Variants in TM9SF2 observed in about 807,000 individuals in gnomAD.
TM9SF2 encodes the protein 76 kDa membrane protein.
Under a neutral mutation model 84.9 loss-of-function variants are expected in TM9SF2, and 13 were observed. The observed-to-expected ratio is 0.15, with a 90% CI of 0.10 to 0.24. The LOEUF (loss-of-function observed/expected upper bound fraction) is 0.24. TM9SF2 is among the 10% of genes least tolerant of loss of function. The probability of loss-of-function intolerance (pLI) is 1.00; values close to 1 mark genes in which losing one functional copy is unlikely to be tolerated. For missense variants in TM9SF2, 562 were observed against 818.5 expected (o/e 0.69, Z 3.82); for synonymous variants, 273 against 285.8 (o/e 0.96, Z 0.45).
In TM9SF2 at chr13:99,525,833, G is replaced by A. The variant is rs189258945; in HGVS notation, c.334-3634G>A. 3.7e-3 allele frequency among the ~76,000 whole-genome samples: 556 copies of A among 152,298 alleles called. 3 individuals carry two copies. The highest frequency in any genetic ancestry group is 0.013 in the African/African-American group (533 of 41,566). On this transcript the variant is annotated intron_variant, in intron 3 of 16. Transcript: ENST00000376387. ...GCCTCCCAAAGTGCTGGGATTACAGGCGTGAGCCACCGCGCCCGGCCAGGA... is the reference window on the plus strand; with the variant it reads ...GCCTCCCAAAGTGCTGGGATTACAGACGTGAGCCACCGCGCCCGGCCAGGA...
intron 4 of TM9SF2, among the ~76,000 whole-genome samples, chr13:99,534,707 A>T (rs970881815): frequency 1.3e-5 from 2 of 152,248 alleles, no homozygotes; most frequent in African/African-American, 2.4e-5. Context: ...GTTCTTCGTG[A>T]TAAAAAGTTG....
chr13:99,552,112 T>C (rs2046307773), intron 12 of TM9SF2, 55 bp from the exon 13 acceptor site: 1 of 1,514,478 alleles, frequency 6.6e-7, no homozygotes, highest in South Asian at 1.2e-5. Flanking sequence ...AATTACATAC[T>C]ACTGTTGCAT....
At chr13:99,555,716 T>C in intron 15 of TM9SF2, 69 bp downstream of exon 15, 1 of 958,018 alleles carries the variant, frequency 1.0e-6, no homozygotes, top group Non-Finnish European at 1.6e-6. Context: ...AATTTGTATA[T>C]TATTAATTAA....
intron 1 of TM9SF2, among the ~76,000 whole-genome samples, chr13:99,506,471 G>A (rs1351521228): frequency 6.6e-6 from 1 of 152,166 alleles, no homozygotes; most frequent in Non-Finnish European, 1.5e-5. Flanking sequence ...TTTGACTATG[G>A]TAAATATACA....
At chr13:99,554,544 C>T (rs894989591) in intron 14 of TM9SF2, 89 bp downstream of exon 14, 2 of 1,350,760 alleles carry the variant, frequency 1.5e-6, no homozygotes, top group African/African-American at 3.0e-5. Context: ...TATTTGTATC[C>T]TGTAAATGTA....
At chr13:99,530,080 C>G (rs77545755) in intron 4 of TM9SF2, among the ~76,000 whole-genome samples, 2 of 134,082 alleles carry the variant, frequency 1.5e-5, no homozygotes, top group Non-Finnish European at 3.3e-5. Context: ...TTATTGCTTA[C>G]AAAAAAAAAA....
rs1173527666 is a variant in TM9SF2 at position 99,562,683 on chromosome 13, T to C, written c.1925-8T>C. 1.2e-6 allele frequency: 2 copies of C among 1,611,924 alleles called. No individual in the cohort carries two copies. Among genetic ancestry groups the C allele is most frequent in the South Asian group, 2.2e-5 (2 of 90,818 alleles). The stretch of plus-strand genomic sequence containing the variant: ...AAAAGGGGTTTATTTTTATTTTTTC[T>C]CTTATAGGAACAATTGGCTTCTTTG... On this transcript the variant is annotated splice_polypyrimidine_tract_variant and splice_region_variant and intron_variant, in intron 16 of 16. Coordinates refer to ENST00000376387, the MANE Select transcript of TM9SF2 (RefSeq NM_004800.3).
chr13:99,553,778 G>A (rs2046315053), intron 13 of TM9SF2, among the ~76,000 whole-genome samples: 1 of 152,166 alleles, frequency 6.6e-6, no homozygotes, highest in Admixed American at 6.6e-5. Context: ...TCATGAAAGG[G>A]AGAATAGTCG....
At chr13:99,532,134 C>T (rs2046212953) in intron 4 of TM9SF2, among the ~76,000 whole-genome samples, 1 of 151,590 alleles carries the variant, frequency 6.6e-6, no homozygotes, top group Non-Finnish European at 1.5e-5. Context: ...TCACTGCAAG[C>T]TCCGCCTCCC....
Position 99,562,013 on chromosome 13 carries a change from A to G in TM9SF2, c.1925-678A>G, listed in dbSNP as rs1478380531. Among the ~76,000 whole-genome samples, 6 of 152,222 alleles carry G rather than the reference A, an allele frequency of 3.9e-5. No individual in the cohort carries two copies. In the East Asian group the frequency reaches 5.8e-4, roughly 15 times the overall value. ...TTTCATGAATTATCTCATTTACTCT[A>G]CATAATAGTCTATGGAGGCAATGAG... On this transcript the variant is annotated intron_variant, in intron 16 of 16. Coordinates refer to ENST00000376387, the MANE Select transcript of TM9SF2 (RefSeq NM_004800.3).
At chr13:99,557,595 T>G (rs1474466114) in intron 15 of TM9SF2, among the ~76,000 whole-genome samples, 1 of 152,184 alleles carries the variant, frequency 6.6e-6, no homozygotes, top group Non-Finnish European at 1.5e-5. Flanking sequence ...TATTATCAAA[T>G]TAGGGCTGAG....
At chr13:99,526,192 A>G (rs2046182634) in intron 3 of TM9SF2, among the ~76,000 whole-genome samples, 2 of 152,216 alleles carry the variant, frequency 1.3e-5, no homozygotes, top group Non-Finnish European at 2.9e-5. Flanking sequence ...CTAATAGAGC[A>G]GGAGTGTGGA....
intron 1 of TM9SF2, among the ~76,000 whole-genome samples, chr13:99,508,559 G>A (rs1476418509): frequency 6.6e-6 from 1 of 151,922 alleles, no homozygotes; most frequent in South Asian, 2.1e-4. Context: ...CTGAGACTGG[G>A]TAATTTATAA....
chr13:99,510,083 G>A (rs1007193947), intron 1 of TM9SF2, among the ~76,000 whole-genome samples: 7 of 152,160 alleles, frequency 4.6e-5, no homozygotes, highest in Admixed American at 3.9e-4. Flanking sequence ...GATCCCTAGG[G>A]CATGAATAGA....
chr13:99,526,238 G>T (rs142858565), intron 3 of TM9SF2, among the ~76,000 whole-genome samples: 1 of 152,370 alleles, frequency 6.6e-6, no homozygotes, highest in African/African-American at 2.4e-5. Context: ...CCTCTGGCCA[G>T]CTGGTGGTTT....
Position 99,541,474 on chromosome 13 carries a change from TG to T in TM9SF2, c.909-84del, listed in dbSNP as rs2139098730. ...TTGATTTTGATCAAGACTGTTTTAATGTTACTCAATAAACAGTTTTTAAAAG... is the reference window on the plus strand; with the variant it reads ...TTGATTTTGATCAAGACTGTTTTAATTTACTCAATAAACAGTTTTTAAAAG... On this transcript the variant is annotated intron_variant, in intron 8 of 16. Transcript: ENST00000376387. 3.3e-6 allele frequency: 3 copies of T among 915,302 alleles called. No homozygotes were observed. In the East Asian group the frequency reaches 7.6e-5, roughly 23 times the overall value. The allele number at this position is 915,302 out of a possible 1,614,324, so 56.7% of individuals were successfully genotyped here.
At chr13:99,552,035 C>A in intron 12 of TM9SF2, 132 bp from the exon 13 acceptor site, 1 of 872,576 alleles carries the variant, frequency 1.1e-6, no homozygotes, top group Non-Finnish European at 1.7e-6. Context: ...TACATTCAGA[C>A]ATCCTGTGAT....
At chr13:99,562,619 T>G in intron 16 of TM9SF2, 72 bp from the exon 17 acceptor site, 1 of 1,456,542 alleles carries the variant, frequency 6.9e-7, no homozygotes, top group Non-Finnish European at 9.5e-7. Flanking sequence ...CCAGTCATTG[T>G]AAGTCTGTAT....
intron 4 of TM9SF2, among the ~76,000 whole-genome samples, chr13:99,535,563 G>A (rs2046230368): frequency 6.6e-6 from 1 of 152,130 alleles, no homozygotes; most frequent in African/African-American, 2.4e-5. Flanking sequence ...ATAATAATAA[G>A]CAGTTTAATA....
Sources: gnomAD v4.1 joint callset for allele counts (sites outside exome capture counted in the v4.1 genomes callset) on GRCh38, gnomAD v4.1.1 for gene constraint, MANE v1.5 for transcripts, NCBI Gene and HGNC (gene_info 2026-07-23, HGNC 2026-07-21) for gene names.